The following ROBO2 variants were observed in gnomAD, a reference collection of about 807,000 sequenced individuals.
The protein encoded by ROBO2 is roundabout homolog 2.
A neutral mutation model predicts 160.8 loss-of-function variants in ROBO2; 53 were observed. The observed-to-expected ratio is 0.33, with a 90% confidence interval of 0.26 to 0.41. The LOEUF (loss-of-function observed/expected upper bound fraction) is 0.41, where lower values mean the gene tolerates loss of function less well. Among genes scored for constraint, ROBO2 ranks in the 10% least tolerant of loss-of-function variants. The probability of loss-of-function intolerance (pLI) is 1.00; values close to 1 mark genes in which losing one functional copy is unlikely to be tolerated. For missense variants in ROBO2, 1,577 were observed against 1,722.4 expected (o/e 0.92, Z 1.49); for synonymous variants, 664 against 611.7 (o/e 1.09, Z -1.26).
intron 2 of ROBO2, among the ~76,000 whole-genome samples, chr3:76,831,018 CA>C (rs2067045326): frequency 6.6e-6 from 1 of 151,922 alleles, no homozygotes; most frequent in African/African-American, 2.4e-5. Flanking sequence ...ATAATAATAA[CA>C]AATCACCTTG....
chr3:76,932,187 A>G (rs2077390241), intron 2 of ROBO2, among the ~76,000 whole-genome samples: 1 of 152,194 alleles, frequency 6.6e-6, no homozygotes, highest in Non-Finnish European at 1.5e-5. Context: ...TGAGTATTCT[A>G]CTAGAAAACA....
intron 2 of ROBO2, among the ~76,000 whole-genome samples, chr3:77,467,631 CATCT>C (rs148288423): frequency 0.069 from 9,939 of 143,070 alleles, 416 homozygotes; most frequent in Admixed American, 0.093. Context: ...ATCTATCTAT[CATCT>C]ATCTATCTAT....
At position 76,009,707 on chromosome 3, in the gene ROBO2, G is replaced by A. The variant is rs116266911; in HGVS notation, c.109+72105G>A. Among the ~76,000 whole-genome samples, 446 of 152,186 alleles carry A rather than the reference G, an allele frequency of 2.9e-3. 1 individual carries two copies. Among genetic ancestry groups the A allele is most frequent in the African/African-American group, 0.01 (426 of 41,528 alleles). On this transcript the variant is annotated intron_variant, in intron 2 of 26. Coordinates refer to the ROBO2 transcript ENST00000487694. Reference sequence around the variant, plus strand: ...ATTCCCTCATGCATATATAGTTTTAGTTTAATGTAAGTGAATAAGATACAT... The same window carrying A: ...ATTCCCTCATGCATATATAGTTTTAATTTAATGTAAGTGAATAAGATACAT...
At chr3:77,346,503 C>T (rs2067658292) in intron 2 of ROBO2, among the ~76,000 whole-genome samples, 1 of 152,132 alleles carries the variant, frequency 6.6e-6, no homozygotes, top group African/African-American at 2.4e-5. Flanking sequence ...CTGTCACAAA[C>T]TTAGTGGCTT....
intron 2 of ROBO2, among the ~76,000 whole-genome samples, chr3:77,408,210 T>C (rs1207848348): frequency 6.6e-6 from 1 of 152,322 alleles, no homozygotes; most frequent in East Asian, 1.9e-4. Flanking sequence ...AAGTAGTGAC[T>C]GATTTATTCT....
At chr3:77,647,003 G>T (rs1015969515) in exon 26 of ROBO2, 1 of 152,330 alleles carries the variant, frequency 6.6e-6, no homozygotes, top group Non-Finnish European at 1.5e-5. Context: ...TCTCCAACTC[G>T]TTAAGTCAGA....
chr3:76,050,569 A>G (rs917310274), intron 2 of ROBO2, among the ~76,000 whole-genome samples: 8 of 152,140 alleles, frequency 5.3e-5, no homozygotes, highest in African/African-American at 1.9e-4. Context: ...TAATACATCC[A>G]GCTAGGAGAC....
intron 2 of ROBO2, among the ~76,000 whole-genome samples, chr3:77,263,888 A>G (rs1401802610): frequency 6.6e-6 from 1 of 152,128 alleles, no homozygotes; most frequent in Non-Finnish European, 1.5e-5. Flanking sequence ...ACACATAGTT[A>G]GTGTTACTTA....
At chr3:77,548,807 A>AGG (rs1404967128) in intron 7 of ROBO2, among the ~76,000 whole-genome samples, 1 of 151,956 alleles carries the variant, frequency 6.6e-6, no homozygotes, top group Non-Finnish European at 1.5e-5. Flanking sequence ...AGAGAGAGAG[A>AGG]GAGAGAAAGA....
At chr3:76,832,960 A>T (rs1469795152) in intron 2 of ROBO2, among the ~76,000 whole-genome samples, 1 of 152,204 alleles carries the variant, frequency 6.6e-6, no homozygotes, top group African/African-American at 2.4e-5. Flanking sequence ...TTAGACTCAT[A>T]CAAGTCCAGG....
At chr3:77,280,087 T>C (rs1330621720) in intron 2 of ROBO2, among the ~76,000 whole-genome samples, 1 of 152,184 alleles carries the variant, frequency 6.6e-6, no homozygotes, top group African/African-American at 2.4e-5. Context: ...TAGTTCAGCA[T>C]TGAGGACTGT....
At chr3:77,609,110 G>A (rs1026398710) in intron 21 of ROBO2, among the ~76,000 whole-genome samples, 6 of 151,060 alleles carry the variant, frequency 4.0e-5, no homozygotes, top group East Asian at 3.9e-4. Context: ...ACACACATAC[G>A]CGAATATTTT....
At chr3:77,190,033 T>G (rs1162818504) in intron 2 of ROBO2, among the ~76,000 whole-genome samples, 1 of 151,962 alleles carries the variant, frequency 6.6e-6, no homozygotes, top group Non-Finnish European at 1.5e-5. Flanking sequence ...AAGTATACAC[T>G]TTTCATCTCC....
At chr3:76,495,553 T>C (rs1446064758) in intron 2 of ROBO2, among the ~76,000 whole-genome samples, 1 of 151,996 alleles carries the variant, frequency 6.6e-6, no homozygotes, top group Non-Finnish European at 1.5e-5. Flanking sequence ...TTAGGTATTA[T>C]TTTTGTTCTG....
intron 2 of ROBO2, among the ~76,000 whole-genome samples, chr3:76,412,779 C>G (rs2075561095): frequency 6.6e-6 from 1 of 152,220 alleles, no homozygotes; most frequent in Non-Finnish European, 1.5e-5. Flanking sequence ...CGTTGAGTGT[C>G]TGTGGCTTTT....
intron 2 of ROBO2, among the ~76,000 whole-genome samples, chr3:76,333,372 C>T (rs1472786483): frequency 2.0e-5 from 3 of 152,194 alleles, no homozygotes; most frequent in Non-Finnish European, 4.4e-5. Flanking sequence ...TCATGATTCT[C>T]ACTGAATAGA....
In ROBO2 at chr3:77,303,155, A is replaced by G. The variant is rs114154211; in HGVS notation, c.389-174259A>G. On this transcript the variant is annotated intron_variant, in intron 2 of 25. Coordinates refer to ENST00000461745, the Ensembl canonical transcript of ROBO2. ...ATTTATTTCTGGGCATGTGGGTATA[A>G]CCGCACCTCCATGCCATGTTCTTTC... is the stretch of plus-strand genomic sequence containing the variant. 4.9e-3 allele frequency among the ~76,000 whole-genome samples: 747 copies of G among 152,290 alleles called. 5 individuals carry two copies. The highest frequency in any genetic ancestry group is 0.017 in the African/African-American group (717 of 41,554).
At chr3:76,731,301 C>G (rs190436320) in intron 2 of ROBO2, among the ~76,000 whole-genome samples, 99 of 152,274 alleles carry the variant, frequency 6.5e-4, no homozygotes, top group Non-Finnish European at 1.3e-3. Context: ...TTAATGAAAG[C>G]TTTCCTGAAT....
At chr3:76,524,219 A>T (rs888648331) in intron 2 of ROBO2, among the ~76,000 whole-genome samples, 16 of 152,024 alleles carry the variant, frequency 1.1e-4, no homozygotes, top group African/African-American at 3.6e-4. Context: ...GAGGCTGAGG[A>T]TCTACATATA....
Sources: allele counts gnomAD v4.1 joint callset (sites outside exome capture counted in the v4.1 genomes callset), GRCh38; gene constraint gnomAD v4.1.1; transcripts MANE v1.5; gene names NCBI Gene and HGNC (gene_info 2026-07-23, HGNC 2026-07-21).